CERS6: variants seen among roughly 807,000 people sequenced by gnomAD.
The protein encoded by CERS6 is LAG1 homolog, ceramide synthase 6.
In CERS6, 26 loss-of-function variants were observed where a neutral mutation model predicts 56.8. The observed-to-expected ratio is 0.46, with a 90% CI of 0.34 to 0.63. The LOEUF (loss-of-function observed/expected upper bound fraction) is 0.63. Among genes scored for constraint, CERS6 ranks in the 30% least tolerant of loss-of-function variants. The pLI is 0.01. For synonymous variants in CERS6, 164 were observed against 173.3 expected (o/e 0.95, Z 0.42); for missense variants, 415 against 467.5 (o/e 0.89, Z 1.04).
intron 6 of CERS6, among the ~76,000 whole-genome samples, chr2:168,695,959 C>T (rs571109331): frequency 6.6e-6 from 1 of 152,198 alleles, no homozygotes; most frequent in Admixed American, 6.5e-5. Flanking sequence ...TTAACATGAT[C>T]CTCAAAGTAA....
intron 5 of CERS6, among the ~76,000 whole-genome samples, chr2:168,692,906 G>A (rs769787935): frequency 2.0e-5 from 3 of 152,096 alleles, no homozygotes; most frequent in Non-Finnish European, 4.4e-5. Flanking sequence ...GCATGCTTAT[G>A]AGACATATTT....
At chr2:168,480,935 A>AT (rs1333213468) in intron 1 of CERS6, among the ~76,000 whole-genome samples, 1 of 152,222 alleles carries the variant, frequency 6.6e-6, no homozygotes, top group East Asian at 1.9e-4. Context: ...CATGTTAGAA[A>AT]GATAGCCGGG....
intron 4 of CERS6, among the ~76,000 whole-genome samples, chr2:168,641,041 C>T (rs1685024131): frequency 6.6e-6 from 1 of 152,134 alleles, no homozygotes; most frequent in Non-Finnish European, 1.5e-5. Flanking sequence ...TTGGCCCAAT[C>T]CACCCATGGA....
intron 1 of CERS6, 146 bp from the exon 2 acceptor site, chr2:168,547,450 A>G (rs1367988066): frequency 7.1e-6 from 4 of 565,980 alleles, no homozygotes; most frequent in African/African-American, 5.8e-5. Flanking sequence ...CCTTACAGTT[A>G]CTGACAGGAG....
intron 4 of CERS6, among the ~76,000 whole-genome samples, chr2:168,642,738 G>A (rs1685078711): frequency 6.6e-6 from 1 of 152,180 alleles, no homozygotes; most frequent in Admixed American, 6.5e-5. Flanking sequence ...CCAGCGTACA[G>A]TAAAGGCCTA....
intron 8 of CERS6, among the ~76,000 whole-genome samples, chr2:168,743,995 C>CTT (rs58256507): frequency 0.034 from 2,154 of 63,364 alleles, 154 homozygotes; most frequent in African/African-American, 0.14. Context: ...TCTTTTTTTT[C>CTT]TTTTTTTTTT....
At chr2:168,593,574 A>G (rs957149224) in intron 3 of CERS6, among the ~76,000 whole-genome samples, 5 of 151,974 alleles carry the variant, frequency 3.3e-5, no homozygotes, top group Admixed American at 3.3e-4. Flanking sequence ...CCCTGTTGAG[A>G]TAGTAGTCTT....
intron 1 of CERS6, among the ~76,000 whole-genome samples, chr2:168,513,606 T>C (rs1694834100): frequency 6.6e-6 from 1 of 152,164 alleles, no homozygotes; most frequent in Non-Finnish European, 1.5e-5. Context: ...TCTCACTCCA[T>C]CATGTCAAGG....
intron 1 of CERS6, among the ~76,000 whole-genome samples, chr2:168,490,794 G>A (rs190092189): frequency 1.1e-4 from 17 of 152,180 alleles, no homozygotes; most frequent in African/African-American, 4.1e-4. Context: ...TTTTGTTTCT[G>A]CTTTACAAAG....
chr2:168,722,226 C>T lies in CERS6; in HGVS notation c.845+4248C>T, dbSNP rs577558744. On this transcript the variant is annotated intron_variant, in intron 8 of 9. Transcript: ENST00000305747. The stretch of plus-strand genomic sequence containing the variant: ...GATATATAATTTGCAAATGTTTTCT[C>T]CCTTACTGAGGGTTGTCTTTCACTT... 4.4e-3 allele frequency among the ~76,000 whole-genome samples: 667 copies of T among 152,196 alleles called. 3 individuals are homozygous for T. Among genetic ancestry groups the T allele is most frequent in the African/African-American group, 0.015 (614 of 41,520 alleles).
chr2:168,528,842 A>T (rs1015036587), intron 1 of CERS6, among the ~76,000 whole-genome samples: 1 of 152,252 alleles, frequency 6.6e-6, no homozygotes, highest in Non-Finnish European at 1.5e-5. Flanking sequence ...AATCTTAGGT[A>T]ATAGTGATTG....
intron 3 of CERS6, among the ~76,000 whole-genome samples, chr2:168,599,793 T>C (rs1227967836): frequency 1.3e-5 from 2 of 152,224 alleles, no homozygotes; most frequent in Non-Finnish European, 2.9e-5. Context: ...TGTGGACATT[T>C]AAATGTCACA....
intron 1 of CERS6, among the ~76,000 whole-genome samples, chr2:168,463,088 G>T (rs569541368): frequency 6.6e-6 from 1 of 152,326 alleles, no homozygotes; most frequent in African/African-American, 2.4e-5. Context: ...CTGTAAGGTG[G>T]ATACTAATTT....
At chr2:168,558,416 G>T (rs898426280) in intron 2 of CERS6, among the ~76,000 whole-genome samples, 2 of 152,074 alleles carry the variant, frequency 1.3e-5, no homozygotes, top group Non-Finnish European at 2.9e-5. Flanking sequence ...AAAGAATAAG[G>T]GTGTTCTATA....
chr2:168,522,397 A>G (rs1021418617), intron 1 of CERS6, among the ~76,000 whole-genome samples: 2 of 152,224 alleles, frequency 1.3e-5, no homozygotes, highest in Admixed American at 1.3e-4. Context: ...CTGAACATTA[A>G]AAATTTTTTT....
chr2:168,674,587 G>C lies in CERS6; in HGVS notation c.466-16447G>C, dbSNP rs143803046. On this transcript the variant is annotated intron_variant, in intron 4 of 9. Coordinates refer to ENST00000305747, the MANE Select transcript of CERS6 (RefSeq NM_203463.3). ...ATATTTGAAGGAACTTACATCTTGA[G>C]AACTGGAGTTCTTGCCATATGTACC... Among the ~76,000 whole-genome samples the C allele has an allele frequency of 2.5e-3, 388 of 152,326 alleles. 1 individual carries two copies. The highest frequency in any genetic ancestry group is 8.8e-3 in the African/African-American group (367 of 41,570).
intron 3 of CERS6, among the ~76,000 whole-genome samples, chr2:168,592,241 G>C (rs1683689171): frequency 6.6e-6 from 1 of 152,150 alleles, no homozygotes; most frequent in Non-Finnish European, 1.5e-5. Context: ...AGAAAGACTG[G>C]AGAGAGTGGA....
At chr2:168,657,793 G>A (rs977777956) in intron 4 of CERS6, among the ~76,000 whole-genome samples, 15 of 152,304 alleles carry the variant, frequency 9.8e-5, no homozygotes, top group African/African-American at 2.4e-4. Flanking sequence ...AGCGCCGCAC[G>A]CAGCCCCGGT....
chr2:168,740,204 A>G (rs1683853563), intron 8 of CERS6, among the ~76,000 whole-genome samples: 1 of 152,224 alleles, frequency 6.6e-6, no homozygotes, highest in South Asian at 2.1e-4. Flanking sequence ...AGCACTTCAC[A>G]CAAAGTTGTT....
Sources: gnomAD v4.1 joint callset for allele counts (sites outside exome capture counted in the v4.1 genomes callset) on GRCh38, gnomAD v4.1.1 for gene constraint, MANE v1.5 for transcripts, NCBI Gene and HGNC (gene_info 2026-07-23, HGNC 2026-07-21) for gene names.